The following RCOR1 variants were observed in gnomAD, a reference collection of about 807,000 sequenced individuals.
The protein encoded by RCOR1 is REST corepressor 1, also known as REST corepressor.
RCOR1 carries 12 observed loss-of-function variants against 64.0 expected under a neutral mutation model. That is an observed-to-expected ratio of 0.19 (90% CI 0.12 to 0.30). RCOR1 has a LOEUF of 0.30. Among genes scored for constraint, RCOR1 ranks in the 10% least tolerant of loss-of-function variants. The pLI is 1.00. For missense variants in RCOR1, 502 were observed against 621.2 expected, an observed-to-expected ratio of 0.81 and a Z score of 2.04; for synonymous variants, 279 against 227.2, an observed-to-expected ratio of 1.23 and a Z score of -2.05.
At chr14:102,602,497 C>T (rs1211367993) in intron 2 of RCOR1, among the ~76,000 whole-genome samples, 2 of 150,434 alleles carry the variant, frequency 1.3e-5, no homozygotes, top group East Asian at 2.0e-4. Flanking sequence ...TCCGCCTCCC[C>T]GGTTCAAGTG....
At chr14:102,710,844 T>A in intron 6 of RCOR1, 91 bp from the exon 7 acceptor site, 1 of 833,314 alleles carries the variant, frequency 1.2e-6, no homozygotes, top group South Asian at 1.6e-5. Flanking sequence ...TTGGTAAAAT[T>A]AGTACAAAAT....
chr14:102,692,768 C>CTTTTT (rs538053987), intron 3 of RCOR1, among the ~76,000 whole-genome samples: 1 of 111,928 alleles, frequency 8.9e-6, no homozygotes, highest in Non-Finnish European at 1.9e-5. Context: ...TTTTCTTTTT[C>CTTTTT]TTTTTTTTTT....
At chr14:102,726,361 C>G in intron 11 of RCOR1, 107 bp from the exon 12 acceptor site, 1 of 902,586 alleles carries the variant, frequency 1.1e-6, no homozygotes, top group Non-Finnish European at 1.7e-6. Context: ...GGTGTTTGCT[C>G]TGCAGGTTTG....
At chr14:102,671,766 T>C (rs1253048276) in intron 2 of RCOR1, among the ~76,000 whole-genome samples, 1 of 152,252 alleles carries the variant, frequency 6.6e-6, no homozygotes, top group Non-Finnish European at 1.5e-5. Context: ...TTCAGAGTTG[T>C]GTAACTATCA....
At chr14:102,706,132 A>C (rs1385279842) in intron 4 of RCOR1, among the ~76,000 whole-genome samples, 3 of 147,814 alleles carry the variant, frequency 2.0e-5, no homozygotes, top group African/African-American at 5.1e-5. Context: ...AAAAAAAAAA[A>C]AAAAAAAAAA....
chr14:102,677,887 C>A (rs1442764325), intron 2 of RCOR1, among the ~76,000 whole-genome samples: 3,833 of 145,672 alleles, frequency 0.026, no homozygotes, highest in Non-Finnish European at 0.038. Flanking sequence ...TGAGATCACG[C>A]CACTGCACTC....
chr14:102,654,739 A>C (rs1894686465), intron 2 of RCOR1, among the ~76,000 whole-genome samples: 1 of 151,806 alleles, frequency 6.6e-6, no homozygotes, highest in Non-Finnish European at 1.5e-5. Flanking sequence ...AAAAAGAAAA[A>C]AAATATAGAA....
chr14:102,596,430 C>T (rs1009228269), intron 2 of RCOR1, among the ~76,000 whole-genome samples: 1 of 152,134 alleles, frequency 6.6e-6, no homozygotes, highest in African/African-American at 2.4e-5. Context: ...TAGCAAAATT[C>T]TTTCTTAGCT....
At position 102,722,212 on chromosome 14, in the gene RCOR1, T is replaced by C. The variant is rs371250641; in HGVS notation, c.1215T>C (p.Phe405=). 3.3e-5 allele frequency: 54 copies of C among 1,613,954 alleles called. No homozygotes were observed. Among genetic ancestry groups the C allele is most frequent in the Non-Finnish European group, 4.3e-5 (51 of 1,179,916 alleles). ...CCATCAGGAAATATGGCCGAGATTTTCAGGCAATCTCAGACGTGATTGGGA... is the reference window on the plus strand; with the variant it reads ...CCATCAGGAAATATGGCCGAGATTTCCAGGCAATCTCAGACGTGATTGGGA... ...VQAIRKYGRD[F]QAISDVIGNK... Residue 405 remains phenylalanine (F), a synonymous_variant, in exon 11 of 12, where the codon TTT becomes TTC. Transcript: ENST00000262241.
rs114298785 is a variant in RCOR1, at chr14:102,640,883, C to T, written c.362-41012C>T. On this transcript the variant is annotated intron_variant, in intron 2 of 11. Coordinates refer to ENST00000262241, the MANE Select transcript of RCOR1 (RefSeq NM_015156.4). ...TCTGAAGTGGGAGGATCACTTGAGC[C>T]AGGGAGGTTGAGGCTGCAGTGAACT... 9.4e-3 allele frequency among the ~76,000 whole-genome samples: 1,433 copies of T among 152,218 alleles called. 24 individuals are homozygous for T. Among genetic ancestry groups the T allele is most frequent in the African/African-American group, 0.033 (1,357 of 41,530 alleles).
intron 6 of RCOR1, chr14:102,710,615 C>A: frequency 4.1e-6 from 1 of 242,686 alleles, no homozygotes; most frequent in South Asian, 6.3e-5. Context: ...GAGAAAATAA[C>A]ATGTAAATGC....
At position 102,729,346 on chromosome 14, in the gene RCOR1, A is replaced by G. The variant is rs1306426850; in HGVS notation, c.*2840A>G. On this transcript the variant is annotated 3_prime_UTR_variant, in exon 12 of 12. Transcript: ENST00000262241. ...TGAATATTGTGTTGACTGGTCTGCAACAGTGATCCATTCTGTAATATAGCT... is the reference window on the plus strand; with the variant it reads ...TGAATATTGTGTTGACTGGTCTGCAGCAGTGATCCATTCTGTAATATAGCT... 1.2e-4 allele frequency: 18 copies of G among 152,832 alleles called. No individual in the cohort carries two copies. The highest frequency in any genetic ancestry group is 1.2e-3 in the Admixed American group (18 of 15,286). 9.5% of individuals were successfully genotyped at this position (152,832 alleles called of 1,614,324 possible). A position where few individuals can be genotyped will look rare whatever the true frequency, so the allele number is the denominator to read the frequency against.
intron 2 of RCOR1, among the ~76,000 whole-genome samples, chr14:102,605,332 T>G (rs1893483621): frequency 6.6e-6 from 1 of 152,318 alleles, no homozygotes; most frequent in Admixed American, 6.5e-5. Context: ...ATAGTCATCT[T>G]CACAACTTAG....
At chr14:102,595,848 G>A (rs1409170072) in intron 2 of RCOR1, among the ~76,000 whole-genome samples, 1 of 152,064 alleles carries the variant, frequency 6.6e-6, no homozygotes, top group Non-Finnish European at 1.5e-5. Flanking sequence ...CATAGTGCTG[G>A]GATTACAGGC....
intron 2 of RCOR1, among the ~76,000 whole-genome samples, chr14:102,606,619 G>A (rs1046682961): frequency 6.6e-6 from 1 of 151,618 alleles, no homozygotes. Context: ...CACCAAATCA[G>A]GTTTTAAGTT....
At chr14:102,712,185 T>G (rs1009904138) in intron 7 of RCOR1, among the ~76,000 whole-genome samples, 2 of 151,996 alleles carry the variant, frequency 1.3e-5, no homozygotes, top group Non-Finnish European at 2.9e-5. Context: ...ATTTTATTTT[T>G]TTTTATTTTG....
chr14:102,673,588 G>A (rs1312113422), intron 2 of RCOR1, among the ~76,000 whole-genome samples: 1 of 151,652 alleles, frequency 6.6e-6, no homozygotes, highest in Non-Finnish European at 1.5e-5. Flanking sequence ...GCCCGCCTTG[G>A]CCTCCCAAAG....
chr14:102,714,428 C>G lies in RCOR1; in HGVS notation c.864C>G (p.Pro288=), dbSNP rs753884913. Residue 288 remains proline (P), a synonymous_variant, in exon 8 of 12, where the codon CCC becomes CCG. Transcript: ENST00000262241. ...CACCTGTGTATATCATGCAGGTTCCCCCTACTGAGACAGTTCCTCAGGTCA... is the reference window on the plus strand; with the variant it reads ...CACCTGTGTATATCATGCAGGTTCCGCCTACTGAGACAGTTCCTCAGGTCA... The part of the protein sequence containing the change: ...DQNKESKKEV[P]PTETVPQVKK... The G allele has an allele frequency of 6.2e-7, 1 of 1,601,570 alleles. No individual in the cohort carries two copies. Among genetic ancestry groups the G allele is most frequent in the South Asian group, 1.1e-5 (1 of 89,758 alleles).
intron 2 of RCOR1, among the ~76,000 whole-genome samples, chr14:102,676,158 C>G (rs1313096226): frequency 6.6e-6 from 1 of 150,968 alleles, no homozygotes; most frequent in African/African-American, 2.4e-5. Context: ...TTTTTCCCCA[C>G]CCTTCCCGCC....
Sources: gnomAD v4.1 joint callset for allele counts (sites outside exome capture counted in the v4.1 genomes callset) on GRCh38, gnomAD v4.1.1 for gene constraint, MANE v1.5 for transcripts, NCBI Gene and HGNC (gene_info 2026-07-23, HGNC 2026-07-21) for gene names.